Variants in SLC46A2 observed in about 807,000 individuals in gnomAD.
The protein encoded by SLC46A2 is thymic stromal co-transporter.
A neutral mutation model predicts 33.1 loss-of-function variants in SLC46A2; 25 were observed. The observed-to-expected ratio is 0.76, with a 90% CI of 0.55 to 1.06. SLC46A2 has a LOEUF of 1.06. SLC46A2 is among the 50% of genes least tolerant of loss of function. SLC46A2 has a pLI of 0.00. For missense variants in SLC46A2, 622 were observed against 621.7 expected (o/e 1.00, Z 0.00); for synonymous variants, 254 against 275.9 (o/e 0.92, Z 0.79).
rs1587861591 is a variant in SLC46A2, at chr9:112,889,742, C to T, written c.940G>A (p.Gly314Ser). The change falls in exon 1 of 4, where the codon GGT (glycine) becomes AGT (serine). Residue 314 changes from glycine (G) to serine (S), a missense_variant. Gly to Ser is a moderately conservative substitution (Grantham distance 56, BLOSUM62 0). Transcript: ENST00000374228. The part of the protein sequence containing the change: ...IPLFVLREPL[G>S]WNQVQVGYGM... Reference sequence around the variant, plus strand: ...TAGCCCACCTGCACTTGGTTCCAACCGAGAGGCTCCCTCAGCACAAAAAGA... The same window carrying T: ...TAGCCCACCTGCACTTGGTTCCAACTGAGAGGCTCCCTCAGCACAAAAAGA... The T allele has an allele frequency of 3.7e-6, 6 of 1,614,060 alleles. No individual in the cohort carries two copies. Among genetic ancestry groups the T allele is most frequent in the South Asian group, 3.3e-5 (3 of 91,072 alleles).
intron 3 of SLC46A2, among the ~76,000 whole-genome samples, chr9:112,886,078 C>A (rs1841639033): frequency 6.6e-6 from 1 of 152,194 alleles, no homozygotes. Context: ...AGAAACTGTG[C>A]TCTGAAATGA....
intron 3 of SLC46A2, 167 bp from the exon 4 acceptor site, chr9:112,879,986 C>A (rs1841558051): frequency 1.8e-6 from 1 of 548,566 alleles, no homozygotes; most frequent in Non-Finnish European, 3.3e-6. Flanking sequence ...CCTGCAGCTG[C>A]TAGCTAAAAG....
intron 1 of SLC46A2, among the ~76,000 whole-genome samples, chr9:112,887,912 A>AGTGTGTGTGTGTGT (rs34424153): frequency 1.1e-4 from 15 of 142,342 alleles, no homozygotes; most frequent in African/African-American, 1.9e-4. Context: ...ATCCAGATGC[A>AGTGTGTGTGTGTGT]GTGTGTGTGT....
At chr9:112,879,846 C>A (rs747247241) in intron 3 of SLC46A2, 27 bp from the exon 4 acceptor site, 17 of 1,602,514 alleles carry the variant, frequency 1.1e-5, no homozygotes, top group Admixed American at 3.3e-5. Flanking sequence ...TAGAGAGTTA[C>A]AAGAGAACAG....
chr9:112,890,620 C>A lies in SLC46A2; in HGVS notation c.62G>T (p.Trp21Leu), dbSNP rs994271300. 6.2e-7 allele frequency: 1 copy of A among 1,605,680 alleles called. No individual in the cohort carries two copies. The highest frequency in any genetic ancestry group is 1.3e-5 in the African/African-American group (1 of 74,932). The change falls in exon 1 of 4, where the codon TGG becomes TTG. Residue 21 changes from tryptophan (W) to leucine (L), a missense_variant. Physicochemically the swap from Trp to Leu is moderately conservative, Grantham distance 61. Coordinates refer to ENST00000374228, the MANE Select transcript of SLC46A2 (RefSeq NM_033051.4). The surrounding 1 kb of genome is among the most constrained non-coding windows in gnomAD (Gnocchi z 6.0). ...GHLPRFHPRT[W>L]VEPVVASSQV... Reference sequence around the variant, plus strand: ...GGACGAGGCCACCACGGGCTCAACCCAGGTCCTCGGGTGGAAGCGAGGCAG... The same window carrying A: ...GGACGAGGCCACCACGGGCTCAACCAAGGTCCTCGGGTGGAAGCGAGGCAG...
chr9:112,889,951 T>A lies in SLC46A2; in HGVS notation c.731A>T (p.Asp244Val). Residue 244 changes from aspartate (D) to valine (V), a missense_variant, in exon 1 of 4, where the codon GAT (aspartate) becomes GTT (valine). Asp to Val is a radical substitution (Grantham distance 152). Transcript: ENST00000374228. The stretch of plus-strand genomic sequence containing the variant: ...TGTGCCAACCGTGCCAGACACGGTA[T>A]CCACGGCGGGGAGCTCCTGGCTGGG... ...AKPSQELPAV[D>V]TVSGTVGTYR... 6.2e-7 allele frequency: 1 copy of A among 1,614,182 alleles called. No individual in the cohort carries two copies. The highest frequency in any genetic ancestry group is 1.7e-5 in the Admixed American group (1 of 60,034).
In SLC46A2 at chr9:112,890,573, C is replaced by T. The variant is rs1375149986; in HGVS notation, c.109G>A (p.Asp37Asn). 1.9e-6 allele frequency: 3 copies of T among 1,612,576 alleles called. No homozygotes were observed. Among genetic ancestry groups the T allele is most frequent in the Non-Finnish European group, 2.5e-6 (3 of 1,180,014 alleles). The change falls in exon 1 of 4, where the codon GAT becomes AAT. Residue 37 changes from aspartate (D) to asparagine (N), a missense_variant. Asp to Asn is a conservative substitution (Grantham distance 23). Transcript: ENST00000374228. The surrounding 1 kb of genome is among the most constrained non-coding windows in gnomAD (Gnocchi z 6.0). Reference sequence around the variant, plus strand: ...TTCACCACGAGGAGTAGCCCCGCATCGTAGAGGGAGGCAGCCACCTGGGAC... The same window carrying T: ...TTCACCACGAGGAGTAGCCCCGCATTGTAGAGGGAGGCAGCCACCTGGGAC... The part of the protein sequence containing the change: ...ASSQVAASLY[D>N]AGLLLVVKAS...
At chr9:112,882,600 G>A (rs938818132) in intron 3 of SLC46A2, among the ~76,000 whole-genome samples, 1 of 152,168 alleles carries the variant, frequency 6.6e-6, no homozygotes, top group East Asian at 1.9e-4. Context: ...CTCTGGATTA[G>A]GGGGTAGCAG....
Position 112,889,742 on chromosome 9 carries a change from C to G in SLC46A2, c.940G>C (p.Gly314Arg). ...TAGCCCACCTGCACTTGGTTCCAAC[C>G]GAGAGGCTCCCTCAGCACAAAAAGA... ...IPLFVLREPL[G>R]WNQVQVGYGM... The change falls in exon 1 of 4, where the codon GGT (glycine) becomes CGT (arginine). Residue 314 changes from glycine to arginine, a missense_variant. Transcript: ENST00000374228. 3.1e-6 allele frequency: 5 copies of G among 1,614,060 alleles called. No individual in the cohort carries two copies. Among genetic ancestry groups the G allele is most frequent in the Non-Finnish European group, 4.2e-6 (5 of 1,179,988 alleles).
intron 3 of SLC46A2, chr9:112,881,412 A>G (rs1841575894): frequency 6.6e-6 from 1 of 152,196 alleles, no homozygotes; most frequent in African/African-American, 2.4e-5. Context: ...TGTACTTAAG[A>G]CTCATTGTAT....
intron 3 of SLC46A2, among the ~76,000 whole-genome samples, chr9:112,881,936 G>A (rs564127184): frequency 1.3e-5 from 2 of 152,184 alleles, no homozygotes; most frequent in African/African-American, 4.8e-5. Flanking sequence ...ACAACTAGTT[G>A]GGTGGGAAAA....
chr9:112,889,989 C>A lies in SLC46A2; in HGVS notation c.693G>T (p.Glu231Asp). ...LYSLLVLKVP[E>D]SVAKPSQELP... ...GCTCCTGGCTGGGTTTGGCCACCGACTCAGGGACCTTTAGCACCAAAAGGC... is the reference window on the plus strand; with the variant it reads ...GCTCCTGGCTGGGTTTGGCCACCGAATCAGGGACCTTTAGCACCAAAAGGC... The change falls in exon 1 of 4, where the codon GAG becomes GAT. Residue 231 changes from glutamate (E) to aspartate (D), a missense_variant. Transcript: ENST00000374228. 6.2e-7 allele frequency: 1 copy of A among 1,614,196 alleles called. No individual in the cohort carries two copies. Among genetic ancestry groups the A allele is most frequent in the Non-Finnish European group, 8.5e-7 (1 of 1,180,022 alleles).
rs1487081620 is a variant in SLC46A2 at position 112,883,042 on chromosome 9, CATATG to C, written c.1371-3228_1371-3224del. ...ACAGCATTAGATGTCGCCAAGAAATCATATGAGATGAAGGTGGCAGCAGGTCAACG... is the reference window on the plus strand; with the variant it reads ...ACAGCATTAGATGTCGCCAAGAAATCAGATGAAGGTGGCAGCAGGTCAACG... On this transcript the variant is annotated intron_variant, in intron 3 of 3. Transcript: ENST00000374228. 2.0e-5 allele frequency among the ~76,000 whole-genome samples: 3 copies of C among 152,176 alleles called. No homozygotes were observed. The East Asian group carries it at 5.8e-4, about 29-fold the overall frequency.
At chr9:112,889,508 C>A in intron 1 of SLC46A2, 45 bp downstream of exon 1, 2 of 1,551,766 alleles carry the variant, frequency 1.3e-6, no homozygotes, top group Non-Finnish European at 1.7e-6. Flanking sequence ...CCCCATGATG[C>A]AGAGGGCTAG....
In SLC46A2 at chr9:112,890,480, C is replaced by T; in HGVS notation, c.202G>A (p.Asp68Asn). Residue 68 changes from aspartate to asparagine, a missense_variant, in exon 1 of 4, where the codon GAC (aspartate) becomes AAC (asparagine). Physicochemically the swap from Asp to Asn is conservative, Grantham distance 23 (BLOSUM62 1). Transcript: ENST00000374228. The surrounding 1 kb of genome is among the most constrained non-coding windows in gnomAD (Gnocchi z 6.0). ...TTGGAGATGGCTCTCTGCTGTTGGT[C>T]CTCTAGAGCCCCCCGGGGCGATGGG... ...ASPSPRGALE[D>N]QQQRAISNFY... The T allele has an allele frequency of 6.2e-7, 1 of 1,614,196 alleles. No homozygotes were observed. Among genetic ancestry groups the T allele is most frequent in the Non-Finnish European group, 8.5e-7 (1 of 1,180,030 alleles).
At chr9:112,887,552 G>T (rs752069177) in intron 1 of SLC46A2, 139 bp from the exon 2 acceptor site, 40 of 700,536 alleles carry the variant, frequency 5.7e-5, no homozygotes, top group Non-Finnish European at 8.2e-5. Flanking sequence ...TTTCTCTGCT[G>T]GCACACTAGC....
intron 3 of SLC46A2, among the ~76,000 whole-genome samples, chr9:112,883,302 A>T (rs1285763940): frequency 1.3e-5 from 2 of 152,148 alleles, no homozygotes; most frequent in Non-Finnish European, 2.9e-5. Context: ...GAAGCAGTGG[A>T]ATGAGCTTTC....
At chr9:112,882,246 A>G (rs1229391695) in intron 3 of SLC46A2, among the ~76,000 whole-genome samples, 9 of 152,162 alleles carry the variant, frequency 5.9e-5, no homozygotes, top group Non-Finnish European at 1.0e-4. Context: ...AGCTGGGACT[A>G]CAGGCATGCA....
chr9:112,883,577 T>C (rs1841608874), intron 3 of SLC46A2, among the ~76,000 whole-genome samples: 1 of 152,106 alleles, frequency 6.6e-6, no homozygotes, highest in Non-Finnish European at 1.5e-5. Context: ...AAGAGTTTGC[T>C]GTTATTATCA....
Sources: gnomAD v4.1 joint callset for allele counts (sites outside exome capture counted in the v4.1 genomes callset) on GRCh38, gnomAD v4.1.1 for gene constraint, Gnocchi (gnomAD v3.1) non-coding constraint, MANE v1.5 for transcripts, NCBI Gene and HGNC (gene_info 2026-07-23, HGNC 2026-07-21) for gene names.